LRRC4C: variants seen among roughly 807,000 people sequenced by gnomAD.
LRRC4C encodes the protein leucine-rich repeat-containing protein 4C.
LRRC4C carries 5 observed loss-of-function variants against 33.6 expected under a neutral mutation model. The observed-to-expected ratio is 0.15, with a 90% CI of 0.08 to 0.31. LRRC4C has a LOEUF of 0.31. LRRC4C is among the 10% of genes least tolerant of loss of function. The pLI is 1.00. For missense variants in LRRC4C, 560 were observed against 796.7 expected (o/e 0.70, Z 3.58); for synonymous variants, 329 against 302.0 (o/e 1.09, Z -0.93).
chr11:41,018,779 G>C (rs556199270), intron 1 of LRRC4C, among the ~76,000 whole-genome samples: 4 of 152,116 alleles, frequency 2.6e-5, no homozygotes, highest in Non-Finnish European at 4.4e-5. Context: ...GTGACTCTGC[G>C]TGGTGGTGAA....
At chr11:41,156,892 A>C (rs896894740) in intron 1 of LRRC4C, among the ~76,000 whole-genome samples, 4 of 152,044 alleles carry the variant, frequency 2.6e-5, no homozygotes, top group Non-Finnish European at 4.4e-5. Flanking sequence ...CCAGGAATAC[A>C]ACAGTGTTGA....
At chr11:40,952,896 A>ACACACACTCTCT (rs1156767689) in intron 1 of LRRC4C, among the ~76,000 whole-genome samples, 5 of 70,164 alleles carry the variant, frequency 7.1e-5, no homozygotes, top group African/African-American at 2.5e-4. Flanking sequence ...ACACACACAC[A>ACACACACTCTCT]CTCTCTCTCT....
chr11:40,134,558 G>T (rs187766848), intron 6 of LRRC4C, among the ~76,000 whole-genome samples: 47 of 152,288 alleles, frequency 3.1e-4, no homozygotes, highest in African/African-American at 1.1e-3. Flanking sequence ...AGTATTTAAG[G>T]AAAAGCAAGT....
At chr11:41,252,995 A>G (rs2136658668) in intron 1 of LRRC4C, among the ~76,000 whole-genome samples, 1 of 152,272 alleles carries the variant, frequency 6.6e-6, no homozygotes, top group African/African-American at 2.4e-5. Flanking sequence ...TTGGATGGGG[A>G]CACAGCCAAA....
chr11:41,438,127 C>G (rs556854913), intron 1 of LRRC4C, among the ~76,000 whole-genome samples: 28 of 151,644 alleles, frequency 1.8e-4, no homozygotes, highest in African/African-American at 6.5e-4. Context: ...GTTTACAGCA[C>G]TGGGGAAATG....
intron 3 of LRRC4C, among the ~76,000 whole-genome samples, chr11:40,639,630 T>C (rs1001142168): frequency 6.6e-5 from 10 of 152,270 alleles, no homozygotes; most frequent in Admixed American, 2.0e-4. Context: ...TTTGGTTGAA[T>C]AGAAGTTTGT....
chr11:40,461,894 GTTATAAA>G (rs777905438), intron 3 of LRRC4C, among the ~76,000 whole-genome samples: 79 of 151,588 alleles, frequency 5.2e-4, no homozygotes, highest in Admixed American at 1.1e-3. Context: ...AATAAGCATA[GTTATAAA>G]TTATAAAAAG....
At chr11:40,848,763 T>A in intron 2 of LRRC4C, among the ~76,000 whole-genome samples, 1 of 152,164 alleles carries the variant, frequency 6.6e-6, no homozygotes, top group East Asian at 1.9e-4. Context: ...CTCCCATTGT[T>A]ATTGCGTGGG....
chr11:40,158,669 T>C (rs1347920018), intron 5 of LRRC4C, among the ~76,000 whole-genome samples: 1 of 152,056 alleles, frequency 6.6e-6, no homozygotes, highest in Non-Finnish European at 1.5e-5. Flanking sequence ...TTAGAACATT[T>C]GTACATCAGA....
intron 1 of LRRC4C, among the ~76,000 whole-genome samples, chr11:41,308,663 C>G (rs537323051): frequency 7.9e-4 from 120 of 152,216 alleles, no homozygotes; most frequent in Non-Finnish European, 1.4e-3. Context: ...CAGCCCAGCT[C>G]CCCTATGCAT....
In LRRC4C at chr11:40,688,836, G is replaced by A. The variant is rs575067970; in HGVS notation, c.-406-40558C>T. ...GCTTTCAAGTGCTTCTGCAAAGAGA[G>A]CAAGCAATTTGAACTTGCAAACCAG... On this transcript the variant is annotated intron_variant, in intron 2 of 6. Transcript: ENST00000528697. 4.9e-3 allele frequency among the ~76,000 whole-genome samples: 749 copies of A among 152,216 alleles called. 7 individuals carry two copies. The highest frequency in any genetic ancestry group is 0.017 in the African/African-American group (723 of 41,544).
At position 40,455,093 on chromosome 11, in the gene LRRC4C, G is replaced by T. The variant is rs570724614; in HGVS notation, c.-269-135372C>A. Among the ~76,000 whole-genome samples the T allele has an allele frequency of 2.0e-5, 3 of 152,242 alleles. No homozygotes were observed. The South Asian group carries it at 6.2e-4, about 32-fold the overall frequency. On this transcript the variant is annotated intron_variant, in intron 3 of 6. Transcript: ENST00000528697. ...ACAGCACAACTGGCTTCAACCAGTT[G>T]TCCACACTTGAAAAGAGTAAGTGAG...
At chr11:40,680,082 G>T (rs906373569) in intron 2 of LRRC4C, among the ~76,000 whole-genome samples, 1 of 152,168 alleles carries the variant, frequency 6.6e-6, no homozygotes, top group Non-Finnish European at 1.5e-5. Flanking sequence ...TTTATGAGAC[G>T]TGGAATCAAA....
At chr11:40,201,408 C>T (rs899658034) in intron 5 of LRRC4C, among the ~76,000 whole-genome samples, 6 of 152,100 alleles carry the variant, frequency 3.9e-5, no homozygotes, top group African/African-American at 9.7e-5. Context: ...GGAAATGCAT[C>T]ATTGTTACTA....
chr11:41,171,917 G>A (rs1944994851), intron 1 of LRRC4C, among the ~76,000 whole-genome samples: 1 of 151,986 alleles, frequency 6.6e-6, no homozygotes, highest in South Asian at 2.1e-4. Context: ...GGGAAAAACA[G>A]TTACGGCATC....
At chr11:40,391,592 A>G (rs1335148939) in intron 3 of LRRC4C, among the ~76,000 whole-genome samples, 1 of 152,172 alleles carries the variant, frequency 6.6e-6, no homozygotes, top group South Asian at 2.1e-4. Flanking sequence ...AACTCAGTCC[A>G]CCTATTGTTT....
chr11:41,291,433 C>T (rs1949989501), intron 1 of LRRC4C, among the ~76,000 whole-genome samples: 3 of 152,074 alleles, frequency 2.0e-5, no homozygotes, highest in Non-Finnish European at 4.4e-5. Context: ...ATACTTTTGT[C>T]TATTTAATTG....
intron 3 of LRRC4C, among the ~76,000 whole-genome samples, chr11:40,564,300 G>C (rs185094622): frequency 2.8e-4 from 43 of 152,280 alleles, no homozygotes; most frequent in Admixed American, 8.5e-4. Flanking sequence ...ACAAAAAAAG[G>C]AATGAGCAAA....
chr11:41,070,393 C>T (rs1453638642), intron 1 of LRRC4C, among the ~76,000 whole-genome samples: 1 of 152,060 alleles, frequency 6.6e-6, no homozygotes, highest in Admixed American at 6.6e-5. Context: ...AAAGCAATTG[C>T]AACAAAAGCC....
Sources: gnomAD v4.1 joint callset for allele counts (sites outside exome capture counted in the v4.1 genomes callset) on GRCh38, gnomAD v4.1.1 for gene constraint, MANE v1.5 for transcripts, NCBI Gene and HGNC (gene_info 2026-07-23, HGNC 2026-07-21) for gene names.